The following ZNF704 variants were observed in gnomAD, a reference collection of about 807,000 sequenced individuals.
The protein encoded by ZNF704 is zinc finger protein 704, also known as glucocorticoid induced gene 1.
Under a neutral mutation model 44.7 loss-of-function variants are expected in ZNF704, and 10 were observed. The observed-to-expected ratio is 0.22, with a 90% CI of 0.14 to 0.38. ZNF704 has a LOEUF of 0.38. Among genes scored for constraint, ZNF704 ranks in the 10% least tolerant of loss-of-function variants. ZNF704 has a pLI of 1.00. For missense variants in ZNF704, 390 were observed against 545.5 expected (o/e 0.71, Z 2.84); for synonymous variants, 211 against 207.6 (o/e 1.02, Z -0.14).
intron 1 of ZNF704, among the ~76,000 whole-genome samples, chr8:80,867,654 A>G (rs570880964): frequency 6.6e-6 from 1 of 152,304 alleles, no homozygotes; most frequent in Admixed American, 6.5e-5. Flanking sequence ...CTTTTGCTCG[A>G]GCCAACACAG....
intron 2 of ZNF704, among the ~76,000 whole-genome samples, chr8:80,805,101 G>A (rs1316295878): frequency 6.6e-6 from 1 of 152,078 alleles, no homozygotes; most frequent in Non-Finnish European, 1.5e-5. Flanking sequence ...CCCTGAAGTA[G>A]GCAAGGACTA....
chr8:80,811,714 A>AT (rs1418599414), intron 2 of ZNF704, among the ~76,000 whole-genome samples: 1 of 152,138 alleles, frequency 6.6e-6, no homozygotes, highest in East Asian at 1.9e-4. Flanking sequence ...TTACATTTCA[A>AT]TTTTTTTCTT....
At chr8:80,784,737 T>A (rs1434701773) in intron 2 of ZNF704, among the ~76,000 whole-genome samples, 1 of 152,250 alleles carries the variant, frequency 6.6e-6, no homozygotes, top group East Asian at 1.9e-4. Context: ...CAGAAGTTTT[T>A]AATTTTGACG....
intron 7 of ZNF704, among the ~76,000 whole-genome samples, chr8:80,653,872 G>A (rs1250587111): frequency 1.2e-4 from 18 of 152,182 alleles, no homozygotes; most frequent in South Asian, 6.2e-4. Context: ...AAAAGAGCCC[G>A]CATTGCCAAG....
chr8:80,808,640 C>CA (rs1177802746), intron 2 of ZNF704, among the ~76,000 whole-genome samples: 21 of 152,254 alleles, frequency 1.4e-4, no homozygotes. Context: ...ATTCTATGCT[C>CA]CTCATGGTCC....
In ZNF704 at chr8:80,657,142, A is replaced by AAGG. The variant is rs535565768; in HGVS notation, c.1032+2440_1032+2442dup. ...GTTATGAGAGCTAGCCCACCAGGAG[A>AAGG]AGGAGGAGGAGGAGGACAGCAGCAC... is the stretch of plus-strand genomic sequence containing the variant. On this transcript the variant is annotated intron_variant, in intron 7 of 8. Transcript: ENST00000327835. Among the ~76,000 whole-genome samples, 163 of 152,076 alleles carry AAGG rather than the reference A, an allele frequency of 1.1e-3. 1 individual carries two copies. The highest frequency in any genetic ancestry group is 3.8e-3 in the African/African-American group (159 of 41,498).
chr8:80,822,913 ATTTG>A (rs1405486470), intron 1 of ZNF704, among the ~76,000 whole-genome samples: 2 of 152,094 alleles, frequency 1.3e-5, no homozygotes, highest in African/African-American at 2.4e-5. Flanking sequence ...TTTCTTGTAA[ATTTG>A]TTTAAGATCT....
chr8:80,657,057 G>A (rs1818027030), intron 7 of ZNF704, among the ~76,000 whole-genome samples: 1 of 152,076 alleles, frequency 6.6e-6, no homozygotes, highest in South Asian at 2.1e-4. Flanking sequence ...AGCATTCAGG[G>A]ACAGCTGCTG....
At chr8:80,784,121 C>CTG (rs1413875841) in intron 2 of ZNF704, among the ~76,000 whole-genome samples, 1 of 152,176 alleles carries the variant, frequency 6.6e-6, no homozygotes, top group Non-Finnish European at 1.5e-5. Flanking sequence ...CTTTTTAGCA[C>CTG]TGAATGGTAT....
intron 2 of ZNF704, among the ~76,000 whole-genome samples, chr8:80,806,724 C>A (rs1196748802): frequency 1.3e-5 from 2 of 152,188 alleles, no homozygotes; most frequent in Non-Finnish European, 2.9e-5. Context: ...GGGAGCTGTG[C>A]CATGCCACAG....
intron 1 of ZNF704, among the ~76,000 whole-genome samples, chr8:80,830,534 G>A (rs1808451997): frequency 6.6e-6 from 1 of 152,062 alleles, no homozygotes; most frequent in South Asian, 2.1e-4. Context: ...AATGTCCTAG[G>A]ACTAGACTGT....
At chr8:80,644,969 C>G (rs973721644) in intron 7 of ZNF704, 95 of 1,158,024 alleles carry the variant, frequency 8.2e-5, no homozygotes, top group Admixed American at 2.7e-4. Context: ...GGTGCCGGAA[C>G]AGCAAGATGT....
chr8:80,819,206 T>C (rs1808224038), intron 2 of ZNF704, among the ~76,000 whole-genome samples: 1 of 152,178 alleles, frequency 6.6e-6, no homozygotes. Flanking sequence ...TTTCCCACAC[T>C]GTTTAAGAAC....
intron 1 of ZNF704, among the ~76,000 whole-genome samples, chr8:80,859,994 C>T (rs555030199): frequency 3.3e-5 from 5 of 152,240 alleles, no homozygotes; most frequent in Non-Finnish European, 7.3e-5. Flanking sequence ...GGCTACCCTA[C>T]ACGTGCACAC....
intron 7 of ZNF704, among the ~76,000 whole-genome samples, chr8:80,656,219 T>C (rs908648108): frequency 6.6e-6 from 1 of 152,148 alleles, no homozygotes; most frequent in Non-Finnish European, 1.5e-5. Context: ...CGACTGTGCA[T>C]GCACAGTGAG....
In ZNF704 at chr8:80,765,808, A is replaced by G. The variant is rs193212368; in HGVS notation, c.221+55566T>C. On this transcript the variant is annotated intron_variant, in intron 2 of 8. Coordinates refer to ENST00000327835, the MANE Select transcript of ZNF704 (RefSeq NM_001033723.3). ...CTTCATTAGATCATAAAAATTATAG[A>G]TAAGAATTATGATCAACACCGATCT... 2.0e-5 allele frequency among the ~76,000 whole-genome samples: 3 copies of G among 152,174 alleles called. No individual in the cohort carries two copies. In the East Asian group the frequency reaches 5.8e-4, roughly 29 times the overall value.
At chr8:80,847,643 G>C (rs1808789276) in intron 1 of ZNF704, among the ~76,000 whole-genome samples, 1 of 152,094 alleles carries the variant, frequency 6.6e-6, no homozygotes, top group African/African-American at 2.4e-5. Context: ...CAGAACAGAG[G>C]ACCTAGAAAT....
chr8:80,717,868 C>T (rs770189050), intron 2 of ZNF704, among the ~76,000 whole-genome samples: 2 of 152,166 alleles, frequency 1.3e-5, no homozygotes, highest in Non-Finnish European at 2.9e-5. Flanking sequence ...GCATGCCATT[C>T]GAGGCCATTC....
At chr8:80,762,008 G>C (rs938990602) in intron 2 of ZNF704, among the ~76,000 whole-genome samples, 1 of 152,158 alleles carries the variant, frequency 6.6e-6, no homozygotes, top group African/African-American at 2.4e-5. Context: ...TGTACAAAAG[G>C]ACATCTTCAT....
Sources: gnomAD v4.1 joint callset for allele counts (sites outside exome capture counted in the v4.1 genomes callset) on GRCh38, gnomAD v4.1.1 for gene constraint, MANE v1.5 for transcripts, NCBI Gene and HGNC (gene_info 2026-07-23, HGNC 2026-07-21) for gene names.